The following SLC5A11 variants were observed in gnomAD, a reference collection of about 807,000 sequenced individuals.
The protein encoded by SLC5A11 is sodium/myo-inositol cotransporter 2.
In SLC5A11, 48 loss-of-function variants were observed where a neutral mutation model predicts 69.8. That is an observed-to-expected ratio of 0.69 (90% CI 0.55 to 0.87). The LOEUF is 0.87. Among genes scored for constraint, SLC5A11 ranks in the 40% least tolerant of loss-of-function variants. The pLI is 0.00. For synonymous variants in SLC5A11, 319 were observed against 342.4 expected (o/e 0.93, Z 0.75); for missense variants, 784 against 866.1 (o/e 0.91, Z 1.19).
intron 3 of SLC5A11, among the ~76,000 whole-genome samples, chr16:24,867,149 A>T (rs1271066852): frequency 6.6e-6 from 1 of 152,196 alleles, no homozygotes; most frequent in Non-Finnish European, 1.5e-5. Context: ...AATCTCAAGA[A>T]ATTTAAAATG....
chr16:24,851,726 C>T (rs117862266), intron 1 of SLC5A11, among the ~76,000 whole-genome samples: 4 of 152,188 alleles, frequency 2.6e-5, no homozygotes, highest in South Asian at 4.2e-4. Flanking sequence ...AAACCTGTGA[C>T]GTATGTCTAA....
At chr16:24,901,479 G>A (rs938735516) in intron 10 of SLC5A11, among the ~76,000 whole-genome samples, 2 of 151,948 alleles carry the variant, frequency 1.3e-5, no homozygotes, top group Non-Finnish European at 2.9e-5. Flanking sequence ...GCCAGGCATG[G>A]TGGCATGTGC....
intron 3 of SLC5A11, among the ~76,000 whole-genome samples, chr16:24,864,274 T>C (rs1025610801): frequency 6.6e-6 from 1 of 152,164 alleles, no homozygotes; most frequent in African/African-American, 2.4e-5. Context: ...AAGTGAAGGC[T>C]AAGGCAGAGT....
At chr16:24,884,303 G>C (rs1471491378) in intron 8 of SLC5A11, among the ~76,000 whole-genome samples, 172 bp downstream of exon 9, 1 of 152,092 alleles carries the variant, frequency 6.6e-6, no homozygotes, top group Non-Finnish European at 1.5e-5. Context: ...GAAGAGAAAT[G>C]TGCTTATTGT....
intron 8 of SLC5A11, among the ~76,000 whole-genome samples, chr16:24,889,350 T>G (rs1189763979): frequency 6.6e-6 from 1 of 151,818 alleles, no homozygotes; most frequent in Non-Finnish European, 1.5e-5. Flanking sequence ...GATGTGGTGG[T>G]ACATGCCTGT....
chr16:24,897,566 C>T (rs1275226269), intron 9 of SLC5A11, among the ~76,000 whole-genome samples: 2 of 152,112 alleles, frequency 1.3e-5, no homozygotes, highest in Non-Finnish European at 1.5e-5. Flanking sequence ...AAGAGAAAGC[C>T]TTCTAATACA....
intron 1 of SLC5A11, among the ~76,000 whole-genome samples, chr16:24,856,324 T>C (rs909674969): frequency 2.0e-5 from 3 of 152,128 alleles, no homozygotes; most frequent in Non-Finnish European, 4.4e-5. Flanking sequence ...TGAAAAGTGT[T>C]GGAGTTTTTT....
At position 24,862,489 on chromosome 16, in the gene SLC5A11, G is replaced by A. The variant is rs561897757; in HGVS notation, c.136-112G>A. The A allele has an allele frequency of 6.1e-4, 397 of 650,786 alleles. 2 individuals carry two copies. In the African/African-American group the frequency reaches 6.2e-3, roughly 10 times the overall value. The allele number at this position is 650,786 out of a possible 1,614,324, so 40.3% of individuals were successfully genotyped here. On this transcript the variant is annotated intron_variant, in intron 2 of 15. Coordinates refer to ENST00000347898, the Ensembl canonical transcript of SLC5A11. ...GAGAAACAAAATATATTTGATATCC[G>A]AATCTGGCCCTCAGGACTCCCAGTT...
intron 1 of SLC5A11, among the ~76,000 whole-genome samples, chr16:24,851,287 C>T (rs1420222586): frequency 2.6e-5 from 4 of 150,970 alleles, no homozygotes; most frequent in African/African-American, 4.9e-5. Flanking sequence ...CCAAGGCAGG[C>T]GGATCACCTG....
At chr16:24,885,590 G>A (rs1481452260) in intron 8 of SLC5A11, among the ~76,000 whole-genome samples, 3 of 148,698 alleles carry the variant, frequency 2.0e-5, no homozygotes, top group Non-Finnish European at 4.4e-5. Flanking sequence ...TGAGTCTGCG[G>A]TGAGCTGAGA....
At chr16:24,907,563 T>C (rs1296912113) in intron 12 of SLC5A11, among the ~76,000 whole-genome samples, 1 of 151,798 alleles carries the variant, frequency 6.6e-6, no homozygotes. Context: ...AATACAAAAA[T>C]TAGCTGTGGT....
At chr16:24,864,484 T>C (rs912425723) in intron 3 of SLC5A11, among the ~76,000 whole-genome samples, 1 of 152,078 alleles carries the variant, frequency 6.6e-6, no homozygotes, top group African/African-American at 2.4e-5. Flanking sequence ...CAAGAATGAA[T>C]AGAAGAAACA....
intron 3 of SLC5A11, among the ~76,000 whole-genome samples, chr16:24,867,631 A>T (rs1234945578): frequency 2.0e-5 from 3 of 152,182 alleles, no homozygotes; most frequent in Non-Finnish European, 4.4e-5. Flanking sequence ...CTAGATTAAG[A>T]AAAACAAGAC....
intron 5 of SLC5A11, among the ~76,000 whole-genome samples, chr16:24,874,474 C>T (rs9933017): frequency 0.075 from 11,426 of 152,232 alleles, 830 homozygotes; most frequent in East Asian, 0.28. Flanking sequence ...CCCTTTCCTG[C>T]AATTCAGCGT....
At chr16:24,907,921 G>A in intron 12 of SLC5A11, 42 bp from the exon 14 acceptor site, 1 of 1,573,814 alleles carries the variant, frequency 6.4e-7, no homozygotes, top group Non-Finnish European at 8.6e-7. Flanking sequence ...AGGAGTAAAT[G>A]TTCAGATGAT....
chr16:24,883,977 G>C, intron 7 of SLC5A11, 74 bp from the exon 9 acceptor site: 2 of 1,409,016 alleles, frequency 1.4e-6, no homozygotes, highest in Non-Finnish European at 2.0e-6. Flanking sequence ...TGGCCTTCCA[G>C]GTTCCCTTGG....
In SLC5A11 at chr16:24,849,596, ATATATATATAT is replaced by A. The variant is rs1567553393; in HGVS notation, c.-25+3159_-25+3169del. Among the ~76,000 whole-genome samples, 37 of 81,382 alleles carry A rather than the reference ATATATATATAT, an allele frequency of 4.5e-4. 1 individual carries two copies. The highest frequency in any genetic ancestry group is 7.7e-4 in the Non-Finnish European group (32 of 41,748). 53.4% of individuals were successfully genotyped at this position (81,382 alleles called of 152,430 possible). ...GCAAAAAAAAAAAAAAAAAAAAAAT[ATATATATATAT>A]ATATATATATATATATCCATGAGAG... is the stretch of plus-strand genomic sequence containing the variant. On this transcript the variant is annotated intron_variant, in intron 1 of 15. Coordinates refer to ENST00000347898, the Ensembl canonical transcript of SLC5A11.
At chr16:24,889,344 T>G (rs2048613917) in intron 8 of SLC5A11, among the ~76,000 whole-genome samples, 1 of 151,874 alleles carries the variant, frequency 6.6e-6, no homozygotes, top group Non-Finnish European at 1.5e-5. Flanking sequence ...TCACTGGATG[T>G]GGTGGTACAT....
chr16:24,888,783 CTTTTTTTT>C (rs1169015317), intron 8 of SLC5A11, among the ~76,000 whole-genome samples: 1 of 45,756 alleles, frequency 2.2e-5, no homozygotes, highest in East Asian at 6.7e-4. Context: ...CGTGCCTGTC[CTTTTTTTT>C]TTTTTTTTTT....
Sources: gnomAD v4.1 joint callset for allele counts (sites outside exome capture counted in the v4.1 genomes callset) on GRCh38, gnomAD v4.1.1 for gene constraint, MANE v1.5 for transcripts, NCBI Gene and HGNC (gene_info 2026-07-23, HGNC 2026-07-21) for gene names.